STON1: variants seen among roughly 807,000 people sequenced by gnomAD.
STON1 encodes stonin 1, also known as stonin-1.
A neutral mutation model predicts 60.9 loss-of-function variants in STON1; 79 were observed. The observed-to-expected ratio is 1.30, with a 90% CI of 1.08 to 1.56. The LOEUF (loss-of-function observed/expected upper bound fraction) is 1.56, where lower values mean the gene tolerates loss of function less well. Ranked by LOEUF, STON1 falls within the 40% of genes most tolerant of loss-of-function variation. STON1 has a pLI of 0.00. For missense variants in STON1, 1,166 were observed against 858.9 expected (o/e 1.36, Z -4.47); for synonymous variants, 363 against 306.9 (o/e 1.18, Z -1.91).
At chr2:48,570,265 G>A (rs1673136732) in intron 1 of STON1, among the ~76,000 whole-genome samples, 1 of 152,110 alleles carries the variant, frequency 6.6e-6, no homozygotes, top group African/African-American at 2.4e-5. Flanking sequence ...AACCCGGGAG[G>A]TAGAAGTGTA....
At chr2:48,558,946 C>T (rs922587737) in intron 1 of STON1, among the ~76,000 whole-genome samples, 4 of 152,146 alleles carry the variant, frequency 2.6e-5, no homozygotes, top group African/African-American at 9.7e-5. Context: ...TCTGAAATCT[C>T]GAAAGTTAGG....
intron 2 of STON1, among the ~76,000 whole-genome samples, chr2:48,588,053 C>T (rs1421796530): frequency 6.6e-6 from 1 of 152,150 alleles, no homozygotes; most frequent in Non-Finnish European, 1.5e-5. Context: ...AAGGTTGGAG[C>T]AGAGAGGAAA....
At position 48,557,354 on chromosome 2, in the gene STON1, C is replaced by T. The variant is rs1223233284; in HGVS notation, c.-47-23233C>T. Among the ~76,000 whole-genome samples, 28 of 98,452 alleles carry T rather than the reference C, an allele frequency of 2.8e-4. 3 individuals are homozygous for T. Among genetic ancestry groups the T allele is most frequent in the Admixed American group, 1.6e-3 (16 of 10,108 alleles). 64.6% of individuals were successfully genotyped at this position (98,452 alleles called of 152,430 possible). A position where few individuals can be genotyped will look rare whatever the true frequency, so the allele number is the denominator to read the frequency against. Reference sequence around the variant, plus strand: ...CCCAGATGGGGCGGCGGGGCAGAGGCGCTCCCCACATCTCAGACGATGGGC... The same window carrying T: ...CCCAGATGGGGCGGCGGGGCAGAGGTGCTCCCCACATCTCAGACGATGGGC... On this transcript the variant is annotated intron_variant, in intron 1 of 3. Coordinates refer to ENST00000404752, the MANE Select transcript of STON1 (RefSeq NM_006873.4).
intron 2 of STON1, among the ~76,000 whole-genome samples, chr2:48,586,217 C>T (rs892450255): frequency 6.6e-6 from 1 of 152,162 alleles, no homozygotes; most frequent in South Asian, 2.1e-4. Context: ...TTTTCAGAGT[C>T]ATTGGTGTAG....
rs574296224 is a variant in STON1, at chr2:48,534,793, T to TG, written c.-48+4578dup. ...CGAGACCCTGTCTCCTAAGAGGGGG[T>TG]GAGGAGGGAGAAAAACAAAAACAAA... On this transcript the variant is annotated intron_variant, in intron 1 of 3. Transcript: ENST00000404752. Among the ~76,000 whole-genome samples the TG allele has an allele frequency of 1.4e-4, 21 of 151,604 alleles. No individual in the cohort carries two copies. In the South Asian group the frequency reaches 2.7e-3, roughly 20 times the overall value.
intron 1 of STON1, among the ~76,000 whole-genome samples, chr2:48,539,456 T>C (rs1671568424): frequency 6.6e-6 from 1 of 152,172 alleles, no homozygotes; most frequent in Admixed American, 6.6e-5. Context: ...AATACTGCTT[T>C]AGCTACATCA....
chr2:48,591,170 A>G (rs1674491779), intron 2 of STON1, among the ~76,000 whole-genome samples: 1 of 150,698 alleles, frequency 6.6e-6, no homozygotes, highest in East Asian at 1.9e-4. Flanking sequence ...AAGTTTAAGC[A>G]TATTACTATA....
Position 48,595,312 on chromosome 2 carries a change from G to A in STON1, c.*10G>A, listed in dbSNP as rs574018445. 3.6e-5 allele frequency: 58 copies of A among 1,611,230 alleles called. No individual in the cohort carries two copies. In the East Asian group the frequency reaches 1.3e-3, roughly 35 times the overall value. Reference sequence around the variant, plus strand: ...CTGCATAACTCAGTAGGAGTAGCAAGAGTTTATGATGACAGCCCACTTGTC... The same window carrying A: ...CTGCATAACTCAGTAGGAGTAGCAAAAGTTTATGATGACAGCCCACTTGTC... On this transcript the variant is annotated 3_prime_UTR_variant, in exon 4 of 4. Coordinates refer to ENST00000404752, the MANE Select transcript of STON1 (RefSeq NM_006873.4).
intron 1 of STON1, among the ~76,000 whole-genome samples, chr2:48,557,990 A>G (rs1672453398): frequency 6.6e-6 from 1 of 152,208 alleles, no homozygotes; most frequent in Non-Finnish European, 1.5e-5. Flanking sequence ...TGGGAGGCTG[A>G]GGTGGGTGGA....
At chr2:48,550,465 C>G (rs1260166529) in intron 1 of STON1, among the ~76,000 whole-genome samples, 2 of 150,182 alleles carry the variant, frequency 1.3e-5, no homozygotes, top group African/African-American at 4.9e-5. Flanking sequence ...CCATTGCACT[C>G]CAGCCTGGGC....
At chr2:48,590,184 C>G (rs922925739) in intron 2 of STON1, among the ~76,000 whole-genome samples, 7 of 152,158 alleles carry the variant, frequency 4.6e-5, no homozygotes, top group African/African-American at 1.7e-4. Flanking sequence ...GAAGTTATCA[C>G]TTGCCTCCAG....
At chr2:48,562,596 T>C (rs1400559465) in intron 1 of STON1, among the ~76,000 whole-genome samples, 1 of 152,206 alleles carries the variant, frequency 6.6e-6, no homozygotes, top group African/African-American at 2.4e-5. Flanking sequence ...GCCTCAGAGA[T>C]GCTAAGTAGA....
chr2:48,536,253 A>T (rs1003664160), intron 1 of STON1, among the ~76,000 whole-genome samples: 1 of 151,828 alleles, frequency 6.6e-6, no homozygotes, highest in Non-Finnish European at 1.5e-5. Context: ...TAGTGCATGA[A>T]AATGTCAGAA....
intron 2 of STON1, among the ~76,000 whole-genome samples, chr2:48,582,883 A>T (rs950844739): frequency 6.6e-6 from 1 of 152,218 alleles, no homozygotes; most frequent in African/African-American, 2.4e-5. Flanking sequence ...TCAACTTCAA[A>T]TGTTAAAAAT....
At chr2:48,560,554 C>T (rs1487464589) in intron 1 of STON1, among the ~76,000 whole-genome samples, 2 of 152,222 alleles carry the variant, frequency 1.3e-5, no homozygotes, top group Admixed American at 6.5e-5. Context: ...CTGCCTCCTT[C>T]TGAAGGCCAG....
intron 1 of STON1, among the ~76,000 whole-genome samples, chr2:48,562,137 A>G (rs1218276362): frequency 6.6e-6 from 1 of 152,224 alleles, no homozygotes; most frequent in Non-Finnish European, 1.5e-5. Context: ...CTGGGATTAC[A>G]GGTGTGAGCC....
chr2:48,591,369 C>T (rs1465008689), intron 2 of STON1, among the ~76,000 whole-genome samples: 1 of 151,308 alleles, frequency 6.6e-6, no homozygotes, highest in Non-Finnish European at 1.5e-5. Context: ...TCTGTGCCTG[C>T]ATATAGTAAT....
chr2:48,583,568 C>T (rs1319536375), intron 2 of STON1, among the ~76,000 whole-genome samples: 1 of 150,808 alleles, frequency 6.6e-6, no homozygotes, highest in African/African-American at 2.4e-5. Flanking sequence ...AAGTCAAAAA[C>T]CAAATTTTAA....
At chr2:48,532,369 A>G (rs1671248669) in intron 1 of STON1, among the ~76,000 whole-genome samples, 1 of 150,550 alleles carries the variant, frequency 6.6e-6, no homozygotes, top group Non-Finnish European at 1.5e-5. Flanking sequence ...TAAATAAATA[A>G]ATAAATAAAT....
Sources: gnomAD v4.1 joint callset for allele counts (sites outside exome capture counted in the v4.1 genomes callset) on GRCh38, gnomAD v4.1.1 for gene constraint, MANE v1.5 for transcripts, NCBI Gene and HGNC (gene_info 2026-07-23, HGNC 2026-07-21) for gene names.